Variants in FUT8 observed in about 807,000 individuals in gnomAD.
FUT8 encodes fucosyltransferase 8.
FUT8 carries 29 observed loss-of-function variants against 71.3 expected under a neutral mutation model. The ratio of observed to expected loss-of-function variants is 0.41; its 90% CI spans 0.30 to 0.55. The LOEUF (loss-of-function observed/expected upper bound fraction) is 0.55. FUT8 is among the 20% of genes least tolerant of loss of function. The pLI is 0.34. For synonymous variants in FUT8, 254 were observed against 239.3 expected (o/e 1.06, Z -0.57); for missense variants, 544 against 702.1 (o/e 0.77, Z 2.55).
At chr14:65,727,206 C>G (rs900815979) in intron 9 of FUT8, among the ~76,000 whole-genome samples, 17 of 152,038 alleles carry the variant, frequency 1.1e-4, no homozygotes, top group Non-Finnish European at 2.9e-5. Flanking sequence ...GATGGTGGCC[C>G]TCTTCTAACA....
chr14:65,561,999 A>G (rs1287432882), intron 3 of FUT8, among the ~76,000 whole-genome samples: 2 of 152,030 alleles, frequency 1.3e-5, no homozygotes, highest in East Asian at 3.8e-4. Flanking sequence ...CCCAGCACAA[A>G]TTTGTAAACT....
intron 2 of FUT8, among the ~76,000 whole-genome samples, chr14:65,499,693 G>T (rs563461209): frequency 6.6e-6 from 1 of 151,792 alleles, no homozygotes; most frequent in East Asian, 1.9e-4. Flanking sequence ...TGTGCCTGTA[G>T]TCTCAGCTAC....
At position 65,652,314 on chromosome 14, in the gene FUT8, G is replaced by A. The variant is rs200334096; in HGVS notation, c.598-16929G>A. Among the ~76,000 whole-genome samples, 39 of 152,318 alleles carry A rather than the reference G, an allele frequency of 2.6e-4. No homozygotes were observed. Among genetic ancestry groups the A allele is most frequent in the East Asian group, 7.7e-4 (4 of 5,190 alleles). On this transcript the variant is annotated intron_variant, in intron 6 of 10. Transcript: ENST00000673929. The surrounding 1 kb of genome is among the most constrained non-coding windows in gnomAD (Gnocchi z 4.0). Reference sequence around the variant, plus strand: ...ATGCCCTCTGCTAGGATGGCTGTGCGATTTGCTCCTGGTTGATTCAATATA... The same window carrying A: ...ATGCCCTCTGCTAGGATGGCTGTGCAATTTGCTCCTGGTTGATTCAATATA...
At chr14:65,475,571 T>C (rs1196568005) in intron 2 of FUT8, among the ~76,000 whole-genome samples, 1 of 152,060 alleles carries the variant, frequency 6.6e-6, no homozygotes, top group Non-Finnish European at 1.5e-5. Flanking sequence ...AGACCCTGTC[T>C]CTACCAAAAA....
chr14:65,731,971 C>G (rs981064106), intron 9 of FUT8, among the ~76,000 whole-genome samples: 7 of 152,188 alleles, frequency 4.6e-5, no homozygotes, highest in Non-Finnish European at 7.4e-5. Flanking sequence ...TCAGTTCCCC[C>G]CTTTCTTTCT....
chr14:65,655,429 T>A (rs550215733), intron 6 of FUT8, among the ~76,000 whole-genome samples: 9 of 144,962 alleles, frequency 6.2e-5, no homozygotes, highest in Admixed American at 2.8e-4. Context: ...TGAGCCGAGA[T>A]CACGCCGCTG....
chr14:65,723,878 A>T (rs1895550504), intron 8 of FUT8, among the ~76,000 whole-genome samples: 1 of 152,228 alleles, frequency 6.6e-6, no homozygotes, highest in African/African-American at 2.4e-5. Flanking sequence ...TATTCCTAAG[A>T]TGTGAATTAT....
chr14:65,383,265 C>CTTTTT, the FUT8 span, among the ~76,000 whole-genome samples: 256 of 86,538 alleles, frequency 3.0e-3, no homozygotes, highest in Non-Finnish European at 3.6e-3. Context: ...TTTTTCTTTT[C>CTTTTT]TTTTTTTTTT....
intron 6 of FUT8, among the ~76,000 whole-genome samples, chr14:65,633,677 G>A (rs180940151): frequency 0.025 from 3,762 of 150,766 alleles, 143 homozygotes; most frequent in African/African-American, 0.087. Flanking sequence ...CCACGACCCC[G>A]TCTGGGAGGT....
chr14:65,384,235 CT>C, the FUT8 span, among the ~76,000 whole-genome samples: 1 of 152,116 alleles, frequency 6.6e-6, no homozygotes, highest in South Asian at 2.1e-4. This position sits in a 1 kb window ranked among gnomAD's most constrained non-coding sequence, Gnocchi z 4.2. Flanking sequence ...ACAAAATTCT[CT>C]TCTTAAAATT....
intron 3 of FUT8, among the ~76,000 whole-genome samples, chr14:65,584,323 C>T (rs1887258580): frequency 6.6e-6 from 1 of 151,990 alleles, no homozygotes; most frequent in South Asian, 2.1e-4. Flanking sequence ...GGATTATAGG[C>T]GGCCACCACC....
At chr14:65,421,668 T>C (rs2065296494) in intron 1 of FUT8, among the ~76,000 whole-genome samples, 1 of 151,946 alleles carries the variant, frequency 6.6e-6, no homozygotes, top group Non-Finnish European at 1.5e-5. Flanking sequence ...GAGTCATCTT[T>C]TTAAATTCCT....
chr14:65,507,215 A>G (rs1167503342), intron 2 of FUT8, among the ~76,000 whole-genome samples: 1 of 152,184 alleles, frequency 6.6e-6, no homozygotes, highest in Non-Finnish European at 1.5e-5. Context: ...TTACTAGTTT[A>G]ATTTGTTTAA....
intron 10 of FUT8, among the ~76,000 whole-genome samples, chr14:65,734,318 G>C (rs1896117450): frequency 6.6e-6 from 1 of 152,174 alleles, no homozygotes. Flanking sequence ...TTTTACAAGA[G>C]TATACTTCGG....
intron 3 of FUT8, among the ~76,000 whole-genome samples, chr14:65,602,815 T>A (rs1888378231): frequency 6.6e-6 from 1 of 152,008 alleles, no homozygotes; most frequent in African/African-American, 2.4e-5. Context: ...CATTTGTGTA[T>A]CTTCTTTTGA....
intron 1 of FUT8, among the ~76,000 whole-genome samples, chr14:65,447,789 A>G (rs930414068): frequency 6.6e-6 from 1 of 152,176 alleles, no homozygotes; most frequent in South Asian, 2.1e-4. Context: ...TTATAGGAGA[A>G]TATCTAGACA....
intron 3 of FUT8, among the ~76,000 whole-genome samples, chr14:65,580,526 C>T (rs1056259965): frequency 4.6e-5 from 7 of 151,788 alleles, no homozygotes; most frequent in Non-Finnish European, 8.8e-5. Flanking sequence ...TATGTATACA[C>T]AGACACGCAC....
At chr14:65,547,324 T>C (rs534619585) in intron 2 of FUT8, among the ~76,000 whole-genome samples, 1 of 151,864 alleles carries the variant, frequency 6.6e-6, no homozygotes, top group East Asian at 1.9e-4. Context: ...AGGTATAATA[T>C]AGGGACTTTA....
intron 1 of FUT8, among the ~76,000 whole-genome samples, chr14:65,434,832 A>T (rs916114525): frequency 6.6e-6 from 1 of 151,644 alleles, no homozygotes; most frequent in African/African-American, 2.4e-5. Flanking sequence ...TTTATTTTTT[A>T]TACAACTTTT....
Sources: allele counts gnomAD v4.1 joint callset (sites outside exome capture counted in the v4.1 genomes callset), GRCh38; gene constraint gnomAD v4.1.1; non-coding constraint Gnocchi (gnomAD v3.1); transcripts MANE v1.5; gene names NCBI Gene and HGNC (gene_info 2026-07-23, HGNC 2026-07-21).